The following NAB1 variants were observed in gnomAD, a reference collection of about 807,000 sequenced individuals.
NAB1 encodes the protein NGFI-A-binding protein 1.
NAB1 carries 25 observed loss-of-function variants against 49.9 expected under a neutral mutation model. The ratio of observed to expected loss-of-function variants is 0.50; its 90% CI spans 0.37 to 0.70. The LOEUF (loss-of-function observed/expected upper bound fraction) is 0.70, where lower values mean the gene tolerates loss of function less well. Ranked by LOEUF, NAB1 falls within the 30% of genes least tolerant of loss-of-function variation. NAB1 has a pLI of 0.00. For synonymous variants in NAB1, 198 were observed against 215.6 expected (o/e 0.92, Z 0.71); for missense variants, 489 against 575.9 (o/e 0.85, Z 1.54).
At position 190,667,091 on chromosome 2, in the gene NAB1, C is replaced by A. The variant is rs981735599; in HGVS notation, c.820-3235C>A. Among the ~76,000 whole-genome samples, 5 of 152,208 alleles carry A rather than the reference C, an allele frequency of 3.3e-5. No individual in the cohort carries two copies. In the East Asian group the frequency reaches 9.6e-4, roughly 29 times the overall value. On this transcript the variant is annotated intron_variant, in intron 4 of 9. Transcript: ENST00000337386. The surrounding 1 kb of genome is among the most constrained non-coding windows in gnomAD (Gnocchi z 4.4). ...ACAACTTGGGGGTGAGCTAGAGTTA[C>A]TTCTCCAGCCTCAGTTTTTTACCAG...
At position 190,659,744 on chromosome 2, in the gene NAB1, G is replaced by A; in HGVS notation, c.568G>A (p.Ala190Thr). 1 of 1,614,032 alleles carries A rather than the reference G, an allele frequency of 6.2e-7. No individual in the cohort carries two copies. The highest frequency in any genetic ancestry group is 8.5e-7 in the Non-Finnish European group (1 of 1,179,944). ...SPASPKESSE[A>T]LDAAAALSVA... ...CGCGTCCCCAAAGGAGAGCAGTGAG[G>A]CGCTGGATGCTGCTGCTGCGCTCTC... The change falls in exon 4 of 10, where the codon GCG (alanine) becomes ACG (threonine). Residue 190 changes from alanine to threonine, a missense_variant. Around this residue, in one of 4 missense-constraint regions of NAB1, gnomAD observed 204 missense variants for 220.9 expected, o/e 0.92. Transcript: ENST00000337386. The surrounding 1 kb of genome is among the most constrained non-coding windows in gnomAD (Gnocchi z 6.2).
In NAB1 at chr2:190,651,038, T is replaced by C. The variant is rs77874756; in HGVS notation, c.-197+1056T>C. Among the ~76,000 whole-genome samples the C allele has an allele frequency of 4.1e-3, 631 of 152,310 alleles. 12 individuals are homozygous for C. In the East Asian group the frequency reaches 0.046, roughly 11 times the overall value. On this transcript the variant is annotated intron_variant, in intron 2 of 9. Coordinates refer to ENST00000337386, the MANE Select transcript of NAB1 (RefSeq NM_005966.4). This position sits in a 1 kb window ranked among gnomAD's most constrained non-coding sequence, Gnocchi z 4.3. ...AGATTAAAAATGTTTTTTTCCCGAC[T>C]CTGATGGTCTCTTGTTACTTGTGAA...
rs1695502956 is a variant in NAB1, at chr2:190,684,374, T to C, written c.1095+547T>C. Among the ~76,000 whole-genome samples, 1 of 152,250 alleles carries C rather than the reference T, an allele frequency of 6.6e-6. No homozygotes were observed. The highest frequency in any genetic ancestry group is 2.4e-5 in the African/African-American group (1 of 41,478). Reference sequence around the variant, plus strand: ...TCTTTTAGAAAGCACTGTAAACTTTTATTCCTATTGAACAGCTTCTTTGTA... The same window carrying C: ...TCTTTTAGAAAGCACTGTAAACTTTCATTCCTATTGAACAGCTTCTTTGTA... On this transcript the variant is annotated intron_variant, in intron 7 of 9. Transcript: ENST00000337386. This position sits in a 1 kb window ranked among gnomAD's most constrained non-coding sequence, Gnocchi z 4.6.
intron 2 of NAB1, chr2:190,653,689 G>C (rs1042675442): frequency 1.4e-4 from 21 of 152,330 alleles, no homozygotes; most frequent in African/African-American, 4.6e-4. Context: ...TAATGAGATA[G>C]ATATTTGATG....
chr2:190,680,649 C>T lies in NAB1; in HGVS notation c.1006-3089C>T, dbSNP rs1695293942. Among the ~76,000 whole-genome samples the T allele has an allele frequency of 6.6e-6, 1 of 152,186 alleles. No homozygotes were observed. The highest frequency in any genetic ancestry group is 1.5e-5 in the Non-Finnish European group (1 of 68,032). On this transcript the variant is annotated intron_variant, in intron 6 of 9. Coordinates refer to ENST00000337386, the MANE Select transcript of NAB1 (RefSeq NM_005966.4). This position sits in a 1 kb window ranked among gnomAD's most constrained non-coding sequence, Gnocchi z 5.2. ...GTATAAACACATGTTTCTAGATTTCCAGTGTTCTTTTCACTGAGATAGTTC... is the reference window on the plus strand; with the variant it reads ...GTATAAACACATGTTTCTAGATTTCTAGTGTTCTTTTCACTGAGATAGTTC...
At position 190,677,124 on chromosome 2, in the gene NAB1, G is replaced by C. The variant is rs1695113487; in HGVS notation, c.1005+3972G>C. The C allele has an allele frequency of 6.6e-6, 1 of 151,984 alleles. No homozygotes were observed. The highest frequency in any genetic ancestry group is 6.6e-5 in the Admixed American group (1 of 15,254). 9.4% of individuals were successfully genotyped at this position (151,984 alleles called of 1,614,324 possible). A position where few individuals can be genotyped will look rare whatever the true frequency, so the allele number is the denominator to read the frequency against. ...GAATGAAGTTATAATTCATTGACTT[G>C]TCTGATTTTTCTACCTGGAAAGCTC... On this transcript the variant is annotated intron_variant, in intron 6 of 9. Coordinates refer to ENST00000337386, the MANE Select transcript of NAB1 (RefSeq NM_005966.4). The surrounding 1 kb of genome is among the most constrained non-coding windows in gnomAD (Gnocchi z 5.6).
chr2:190,690,104 A>G, intron 9 of NAB1, 141 bp from the exon 10 acceptor site: 2 of 593,532 alleles, frequency 3.4e-6, no homozygotes, highest in South Asian at 3.9e-5. Context: ...CTCTATGAAC[A>G]AAAATTTTGC....
chr2:190,669,704 GTGTT>G lies in NAB1; in HGVS notation c.820-619_820-616del, dbSNP rs548859121. Among the ~76,000 whole-genome samples the G allele has an allele frequency of 2.3e-3, 343 of 152,242 alleles. No homozygotes were observed. The highest frequency in any genetic ancestry group is 0.014 in the Middle Eastern group (4 of 294). On this transcript the variant is annotated intron_variant, in intron 4 of 9. Transcript: ENST00000337386. This position sits in a 1 kb window ranked among gnomAD's most constrained non-coding sequence, Gnocchi z 4.3. ...TAGGGTAACAAAATTTTAGTACAAA[GTGTT>G]TGGTCAACTAGCAACTCTATATTGG...
In NAB1 at chr2:190,652,795, C is replaced by G. The variant is rs1409324558; in HGVS notation, c.-197+2813C>G. Among the ~76,000 whole-genome samples, 1 of 152,184 alleles carries G rather than the reference C, an allele frequency of 6.6e-6. No individual in the cohort carries two copies. Among genetic ancestry groups the G allele is most frequent in the African/African-American group, 2.4e-5 (1 of 41,442 alleles). On this transcript the variant is annotated intron_variant, in intron 2 of 9. Transcript: ENST00000337386. This position sits in a 1 kb window ranked among gnomAD's most constrained non-coding sequence, Gnocchi z 4.2. ...ATGGGAGTTAGTACCTAGGCCAACCCTACAATCTTAAGTAACCCATAAAGT... is the reference window on the plus strand; with the variant it reads ...ATGGGAGTTAGTACCTAGGCCAACCGTACAATCTTAAGTAACCCATAAAGT...
chr2:190,651,176 G>T lies in NAB1; in HGVS notation c.-197+1194G>T, dbSNP rs1574408500. Among the ~76,000 whole-genome samples the T allele has an allele frequency of 6.6e-6, 1 of 152,110 alleles. No homozygotes were observed. Among genetic ancestry groups the T allele is most frequent in the East Asian group, 1.9e-4 (1 of 5,194 alleles). On this transcript the variant is annotated intron_variant, in intron 2 of 9. Coordinates refer to ENST00000337386, the MANE Select transcript of NAB1 (RefSeq NM_005966.4). This position sits in a 1 kb window ranked among gnomAD's most constrained non-coding sequence, Gnocchi z 4.3. ...TGACAGAAATTCTTAGGATTACTAT[G>T]GTTGTTACAAGGACATTTAGTAAGC... is the stretch of plus-strand genomic sequence containing the variant.
Position 190,689,687 on chromosome 2 carries a change from C to T in NAB1, c.1376-558C>T, listed in dbSNP as rs1327756683. Among the ~76,000 whole-genome samples, 1 of 152,046 alleles carries T rather than the reference C, an allele frequency of 6.6e-6. No homozygotes were observed. The highest frequency in any genetic ancestry group is 1.5e-5 in the Non-Finnish European group (1 of 67,996). ...GAAAATAGTGTTCATTATTTTATCC[C>T]TATTTCCCCTACCTTAATATGTCAT... On this transcript the variant is annotated intron_variant, in intron 9 of 9. Transcript: ENST00000337386. The surrounding 1 kb of genome is among the most constrained non-coding windows in gnomAD (Gnocchi z 4.3).
chr2:190,687,089 C>T (rs1173138381), intron 8 of NAB1, 112 bp from the exon 9 acceptor site: 4 of 493,104 alleles, frequency 8.1e-6, no homozygotes, highest in African/African-American at 2.0e-5. Context: ...TTCTTCAGTG[C>T]TCGTTGACTC....
chr2:190,650,880 T>TA (rs1203720014), intron 2 of NAB1, among the ~76,000 whole-genome samples: 6 of 152,240 alleles, frequency 3.9e-5, no homozygotes, highest in African/African-American at 1.4e-4. Flanking sequence ...CAGCCTTTTT[T>TA]ATCCCTGATT....
rs1358910654 is a variant in NAB1 at position 190,691,588 on chromosome 2, A to G, written c.*1255A>G. 1 of 152,196 alleles carries G rather than the reference A, an allele frequency of 6.6e-6. No homozygotes were observed. Among genetic ancestry groups the G allele is most frequent in the Admixed American group, 6.5e-5 (1 of 15,272 alleles). 9.4% of individuals were successfully genotyped at this position (152,196 alleles called of 1,614,324 possible). A position where few individuals can be genotyped will look rare whatever the true frequency, so the allele number is the denominator to read the frequency against. On this transcript the variant is annotated 3_prime_UTR_variant, in exon 10 of 10. Coordinates refer to ENST00000337386, the MANE Select transcript of NAB1 (RefSeq NM_005966.4). The surrounding 1 kb of genome is among the most constrained non-coding windows in gnomAD (Gnocchi z 4.1). Reference sequence around the variant, plus strand: ...TTACATGTTAATAATTTACTTGCATACTTATGAGAATTTCACATTGGAATT... The same window carrying G: ...TTACATGTTAATAATTTACTTGCATGCTTATGAGAATTTCACATTGGAATT...
At position 190,669,514 on chromosome 2, in the gene NAB1, T is replaced by C. The variant is rs911300644; in HGVS notation, c.820-812T>C. Among the ~76,000 whole-genome samples, 2 of 152,352 alleles carry C rather than the reference T, an allele frequency of 1.3e-5. No homozygotes were observed. The highest frequency in any genetic ancestry group is 2.4e-5 in the African/African-American group (1 of 41,578). ...TGAAGCAGGACTCTCCTCAGGTCTG[T>C]CTGCCATCACGTCCCATTTTCTTTT... is the stretch of plus-strand genomic sequence containing the variant. On this transcript the variant is annotated intron_variant, in intron 4 of 9. Coordinates refer to ENST00000337386, the MANE Select transcript of NAB1 (RefSeq NM_005966.4). This position sits in a 1 kb window ranked among gnomAD's most constrained non-coding sequence, Gnocchi z 4.3.
intron 8 of NAB1, 132 bp from the exon 9 acceptor site, chr2:190,687,069 C>T: frequency 6.8e-6 from 3 of 443,802 alleles, no homozygotes; most frequent in Non-Finnish European, 4.0e-6. Context: ...TTTTCCAAGT[C>T]TTATTTAAAT....
rs1217631576 is a variant in NAB1, at chr2:190,649,326, G to A, written c.-368G>A. The stretch of plus-strand genomic sequence containing the variant: ...GAGTTGGGGCTGAGCAGTCCTCGGG[G>A]AGAGCGCGCCAAGACCGCTGCAGCC... On this transcript the variant is annotated 5_prime_UTR_variant, in exon 1 of 10. Transcript: ENST00000337386. The surrounding 1 kb of genome is among the most constrained non-coding windows in gnomAD (Gnocchi z 6.1). 6.6e-6 allele frequency: 1 copy of A among 152,276 alleles called. No individual in the cohort carries two copies. The highest frequency in any genetic ancestry group is 1.5e-5 in the Non-Finnish European group (1 of 68,152). The allele number at this position is 152,276 out of a possible 1,614,324, so 9.4% of individuals were successfully genotyped here.
chr2:190,648,970 G>GGGTGGGGGAGTGGA (rs1437752981), upstream of NAB1: 4 of 149,230 alleles, frequency 2.7e-5, no homozygotes, highest in African/African-American at 9.7e-5. Flanking sequence ...TGACAGCGCG[G>GGGTGGGGGAGTGGA]GGTGGGGGAG....
At chr2:190,661,137 C>T (rs1195287042) in intron 4 of NAB1, among the ~76,000 whole-genome samples, 5 of 152,038 alleles carry the variant, frequency 3.3e-5, no homozygotes, top group Non-Finnish European at 7.4e-5. Context: ...TCCATTGTTG[C>T]CCAGGCTGGT....
Sources: gnomAD v4.1 joint callset for allele counts (sites outside exome capture counted in the v4.1 genomes callset) on GRCh38, gnomAD v4.1.1 for gene constraint, gnomAD v4.1.1 regional missense constraint, Gnocchi (gnomAD v3.1) non-coding constraint, MANE v1.5 for transcripts, NCBI Gene and HGNC (gene_info 2026-07-23, HGNC 2026-07-21) for gene names.